Variants in PTPRD observed in about 807,000 individuals in gnomAD.
The protein encoded by PTPRD is protein tyrosine phosphatase receptor type D.
A neutral mutation model predicts 214.5 loss-of-function variants in PTPRD; 34 were observed. The ratio of observed to expected loss-of-function variants is 0.16; its 90% CI spans 0.12 to 0.21. The LOEUF (loss-of-function observed/expected upper bound fraction) is 0.21. Among genes scored for constraint, PTPRD ranks in the 10% least tolerant of loss-of-function variants. PTPRD has a pLI of 1.00. For missense variants in PTPRD, 2,545 were observed against 2,398.7 expected (o/e 1.06, Z -1.27); for synonymous variants, 1,128 against 845.7 (o/e 1.33, Z -5.79).
At position 8,791,523 on chromosome 9, in the gene PTPRD, C is replaced by CTTTT. The variant is rs34501354; in HGVS notation, c.-103-57581_-103-57578dup. ...ACAGGCATGAGCCACCATGCCCAGA[C>CTTTT]TTTTTTTTTTTTTTTTTTTTTTGAG... On this transcript the variant is annotated intron_variant, in intron 11 of 45. Coordinates refer to ENST00000381196, the MANE Select transcript of PTPRD (RefSeq NM_002839.4). Among the ~76,000 whole-genome samples, 33 of 86,708 alleles carry CTTTT rather than the reference C, an allele frequency of 3.8e-4. 1 individual carries two copies. Among genetic ancestry groups the CTTTT allele is most frequent in the African/African-American group, 6.4e-4 (15 of 23,562 alleles). 56.9% of individuals were successfully genotyped at this position (86,708 alleles called of 152,430 possible). A position where few individuals can be genotyped will look rare whatever the true frequency, so the allele number is the denominator to read the frequency against.
chr9:10,202,340 C>T (rs1310794309), intron 3 of PTPRD, among the ~76,000 whole-genome samples: 1 of 151,840 alleles, frequency 6.6e-6, no homozygotes, highest in African/African-American at 2.4e-5. Flanking sequence ...AGGCTACTGA[C>T]CTTCTGCCTG....
chr9:9,428,309 C>CA (rs1217472719), intron 8 of PTPRD, among the ~76,000 whole-genome samples: 2 of 151,862 alleles, frequency 1.3e-5, no homozygotes, highest in African/African-American at 2.4e-5. Flanking sequence ...TCAGAAGAGA[C>CA]AAAAAAGGCC....
chr9:10,430,161 A>C (rs1345841224), intron 2 of PTPRD, among the ~76,000 whole-genome samples: 1 of 151,976 alleles, frequency 6.6e-6, no homozygotes, highest in Non-Finnish European at 1.5e-5. Flanking sequence ...TGGATAAAAT[A>C]ATTTGATTTA....
intron 4 of PTPRD, among the ~76,000 whole-genome samples, chr9:9,942,700 A>T (rs943423464): frequency 1.3e-5 from 2 of 152,154 alleles, no homozygotes; most frequent in Non-Finnish European, 2.9e-5. Context: ...TTTAATTAGC[A>T]TTTAAAAAAT....
chr9:10,079,578 T>TA (rs2098198040), intron 3 of PTPRD, among the ~76,000 whole-genome samples: 1 of 152,128 alleles, frequency 6.6e-6, no homozygotes, highest in East Asian at 1.9e-4. Context: ...ATTTGGATTT[T>TA]AATTCAGGCC....
intron 5 of PTPRD, among the ~76,000 whole-genome samples, chr9:9,844,576 G>T (rs1227359190): frequency 6.6e-6 from 1 of 151,846 alleles, no homozygotes; most frequent in Non-Finnish European, 1.5e-5. Flanking sequence ...AAAAGGAATT[G>T]ATATGACATA....
chr9:10,254,708 A>G (rs1478124587), intron 3 of PTPRD, among the ~76,000 whole-genome samples: 1 of 152,176 alleles, frequency 6.6e-6, no homozygotes, highest in Non-Finnish European at 1.5e-5. Context: ...ATGAGATTAG[A>G]GGATATCCTT....
intron 8 of PTPRD, among the ~76,000 whole-genome samples, chr9:9,401,290 A>G (rs2070349212): frequency 6.6e-6 from 1 of 152,084 alleles, no homozygotes; most frequent in South Asian, 2.1e-4. Flanking sequence ...ACACATACGC[A>G]CACATATATA....
At chr9:8,935,891 C>G (rs990853224) in intron 11 of PTPRD, among the ~76,000 whole-genome samples, 16 of 152,084 alleles carry the variant, frequency 1.1e-4, no homozygotes, top group African/African-American at 3.4e-4. Flanking sequence ...AAAAGATTCA[C>G]AATCCTTGTG....
intron 25 of PTPRD, 112 bp downstream of exon 25, chr9:8,499,535 T>C (rs1285963683): frequency 1.8e-6 from 2 of 1,113,300 alleles, no homozygotes; most frequent in East Asian, 5.1e-5. Flanking sequence ...AAAACTAGAA[T>C]TTTGTATAGG....
chr9:8,934,505 A>AT (rs2098982190), intron 11 of PTPRD, among the ~76,000 whole-genome samples: 1 of 18,796 alleles, frequency 5.3e-5, no homozygotes, highest in Non-Finnish European at 1.2e-4. Context: ...ATATATATAT[A>AT]AATATATATA....
chr9:8,383,531 T>C (rs1024564981), intron 37 of PTPRD, among the ~76,000 whole-genome samples: 1 of 152,202 alleles, frequency 6.6e-6, no homozygotes, highest in Non-Finnish European at 1.5e-5. Context: ...ACATTTGATC[T>C]GCTTTACTAA....
intron 2 of PTPRD, among the ~76,000 whole-genome samples, chr9:10,412,882 T>C (rs60760987): frequency 0.016 from 2,414 of 151,780 alleles, 54 homozygotes; most frequent in African/African-American, 0.055. Context: ...TCTCAACAGA[T>C]GCAAAAAAGG....
At chr9:9,797,123 AAG>A (rs2099007613) in intron 5 of PTPRD, among the ~76,000 whole-genome samples, 1 of 152,092 alleles carries the variant, frequency 6.6e-6, no homozygotes, top group African/African-American at 2.4e-5. Context: ...CACATTTTAG[AAG>A]AGAGTGTTAC....
At chr9:10,329,246 G>C (rs981208057) in intron 3 of PTPRD, among the ~76,000 whole-genome samples, 1 of 150,728 alleles carries the variant, frequency 6.6e-6, no homozygotes, top group Non-Finnish European at 1.5e-5. Context: ...AAACACACTG[G>C]TTGCTTTTTG....
intron 2 of PTPRD, among the ~76,000 whole-genome samples, chr9:10,436,659 T>C (rs186923245): frequency 1.8e-4 from 28 of 151,902 alleles, no homozygotes; most frequent in Middle Eastern, 3.4e-3. Context: ...CTTTTCTCTC[T>C]TCTAGTGCTT....
intron 5 of PTPRD, among the ~76,000 whole-genome samples, chr9:9,813,767 G>C (rs1178539449): frequency 1.3e-5 from 2 of 151,942 alleles, no homozygotes; most frequent in Non-Finnish European, 2.9e-5. Flanking sequence ...ATTTTAAAAG[G>C]TCAGAATTAC....
intron 2 of PTPRD, among the ~76,000 whole-genome samples, chr9:10,604,454 C>A (rs1202975054): frequency 2.0e-5 from 3 of 151,562 alleles, no homozygotes; most frequent in Admixed American, 1.3e-4. Context: ...AGACTTCAAG[C>A]CCCTAAAAAA....
intron 7 of PTPRD, among the ~76,000 whole-genome samples, chr9:9,638,909 G>C (rs1256528026): frequency 6.6e-6 from 1 of 152,224 alleles, no homozygotes; most frequent in East Asian, 1.9e-4. Context: ...TCACAGAGCA[G>C]AAGGTGAAGG....
Sources: gnomAD v4.1 joint callset for allele counts (sites outside exome capture counted in the v4.1 genomes callset) on GRCh38, gnomAD v4.1.1 for gene constraint, MANE v1.5 for transcripts, NCBI Gene and HGNC (gene_info 2026-07-23, HGNC 2026-07-21) for gene names.